The following ENOX1 variants were observed in gnomAD, a reference collection of about 807,000 sequenced individuals.
ENOX1 encodes the protein ecto-NOX disulfide-thiol exchanger 1.
A neutral mutation model predicts 82.5 loss-of-function variants in ENOX1; 42 were observed. The observed-to-expected ratio is 0.51, with a 90% CI of 0.40 to 0.66. ENOX1 has a LOEUF of 0.66. ENOX1 is among the 30% of genes least tolerant of loss of function. The probability of loss-of-function intolerance (pLI) is 0.00; values close to 1 mark genes in which losing one functional copy is unlikely to be tolerated. For missense variants in ENOX1, 608 were observed against 811.6 expected, an observed-to-expected ratio of 0.75 and a Z score of 3.05; for synonymous variants, 271 against 282.2, an observed-to-expected ratio of 0.96 and a Z score of 0.40.
chr13:43,657,284 A>C (rs2084484701), intron 2 of ENOX1, among the ~76,000 whole-genome samples: 1 of 152,222 alleles, frequency 6.6e-6, no homozygotes, highest in South Asian at 2.1e-4. Flanking sequence ...CCCAGAGATA[A>C]CTGCTTTCAA....
At chr13:43,349,640 GC>G (rs1359260818) in intron 8 of ENOX1, among the ~76,000 whole-genome samples, 1 of 152,208 alleles carries the variant, frequency 6.6e-6, no homozygotes, top group Non-Finnish European at 1.5e-5. Flanking sequence ...CACAGACTCA[GC>G]CTTTCTCACA....
At chr13:43,247,458 T>C (rs1455164035) in intron 14 of ENOX1, among the ~76,000 whole-genome samples, 2 of 152,134 alleles carry the variant, frequency 1.3e-5, no homozygotes, top group Non-Finnish European at 2.9e-5. Context: ...CAGCCTTCCA[T>C]GGTCAAGGTC....
intron 11 of ENOX1, 129 bp downstream of exon 11, chr13:43,322,255 G>C: frequency 1.6e-6 from 1 of 639,202 alleles, no homozygotes; most frequent in Non-Finnish European, 2.7e-6. Flanking sequence ...AAAAAGCAGA[G>C]TCACTCAAAG....
intron 8 of ENOX1, among the ~76,000 whole-genome samples, chr13:43,347,301 C>A (rs2049452960): frequency 6.6e-6 from 1 of 151,968 alleles, no homozygotes; most frequent in African/African-American, 2.4e-5. Flanking sequence ...AAGTAAGTAG[C>A]CAAGAGATTT....
At chr13:43,334,418 T>C (rs1292743923) in intron 9 of ENOX1, among the ~76,000 whole-genome samples, 2 of 152,200 alleles carry the variant, frequency 1.3e-5, no homozygotes, top group Non-Finnish European at 2.9e-5. Context: ...GACTTTGTAC[T>C]ACACACTGGG....
intron 3 of ENOX1, among the ~76,000 whole-genome samples, chr13:43,440,247 AAC>A (rs1297817487): frequency 1.3e-5 from 2 of 152,188 alleles, no homozygotes; most frequent in Non-Finnish European, 2.9e-5. Flanking sequence ...GATCAATTCT[AAC>A]AGTTAGACAA....
At chr13:43,731,412 TA>T (rs2089336327) in intron 1 of ENOX1, among the ~76,000 whole-genome samples, 1 of 152,192 alleles carries the variant, frequency 6.6e-6, no homozygotes, top group African/African-American at 2.4e-5. Flanking sequence ...ATAATATTTT[TA>T]AAAGTTCCTG....
Position 43,523,529 on chromosome 13 carries a change from C to T in ENOX1, c.-218-39377G>A, listed in dbSNP as rs139262812. Among the ~76,000 whole-genome samples the T allele has an allele frequency of 3.9e-5, 6 of 152,244 alleles. No homozygotes were observed. The East Asian group carries it at 5.8e-4, about 15-fold the overall frequency. On this transcript the variant is annotated intron_variant, in intron 2 of 16. Transcript: ENST00000690772. ...TTACCTGATGAACAAGGACTGTGAA[C>T]GGGATCAATGACTTTTTAACCACCC... is the stretch of plus-strand genomic sequence containing the variant.
intron 12 of ENOX1, among the ~76,000 whole-genome samples, chr13:43,270,139 T>C (rs919498980): frequency 6.6e-6 from 1 of 152,176 alleles, no homozygotes; most frequent in Non-Finnish European, 1.5e-5. Flanking sequence ...TGGCCTACAC[T>C]GCTATTTTTA....
chr13:43,673,225 G>A (rs1190695776), intron 1 of ENOX1, among the ~76,000 whole-genome samples: 2 of 150,842 alleles, frequency 1.3e-5, no homozygotes, highest in Non-Finnish European at 2.9e-5. Flanking sequence ...TTCCAAATTA[G>A]AACTCAAGTT....
chr13:43,659,499 A>AC (rs2153784139), intron 2 of ENOX1, among the ~76,000 whole-genome samples: 1 of 152,064 alleles, frequency 6.6e-6, no homozygotes, highest in African/African-American at 2.4e-5. Flanking sequence ...AAAAAAAAAA[A>AC]AAATTTTCTT....
At chr13:43,656,383 A>C (rs1452807337) in intron 2 of ENOX1, among the ~76,000 whole-genome samples, 1 of 152,190 alleles carries the variant, frequency 6.6e-6, no homozygotes, top group Non-Finnish European at 1.5e-5. Flanking sequence ...AAGACTTTAA[A>C]GATCACCTGC....
chr13:43,607,027 A>G (rs549670407), intron 2 of ENOX1, among the ~76,000 whole-genome samples: 2 of 152,248 alleles, frequency 1.3e-5, no homozygotes, highest in East Asian at 3.9e-4. Context: ...ATATATATCC[A>G]GTATTTGACA....
chr13:43,271,545 A>C (rs993941560), intron 12 of ENOX1, among the ~76,000 whole-genome samples: 6 of 152,106 alleles, frequency 3.9e-5, no homozygotes, highest in African/African-American at 1.4e-4. Flanking sequence ...GGGAAGAACA[A>C]AGAGAGGAAT....
intron 12 of ENOX1, 48 bp downstream of exon 12, chr13:43,298,298 C>T: frequency 6.6e-7 from 1 of 1,521,050 alleles, no homozygotes; most frequent in Non-Finnish European, 8.7e-7. Flanking sequence ...TCATTTAATA[C>T]ACATATCTCT....
chr13:43,453,747 T>C (rs1388800219), intron 3 of ENOX1, among the ~76,000 whole-genome samples: 1 of 152,080 alleles, frequency 6.6e-6, no homozygotes, highest in Non-Finnish European at 1.5e-5. Context: ...GGGACCTTGG[T>C]AAGGGATAAG....
intron 2 of ENOX1, among the ~76,000 whole-genome samples, chr13:43,524,007 TC>T (rs148805309): frequency 0.015 from 2,216 of 152,178 alleles, 64 homozygotes; most frequent in African/African-American, 0.051. Context: ...AGTAATCTGC[TC>T]CCTTTCTTTC....
intron 5 of ENOX1, among the ~76,000 whole-genome samples, chr13:43,390,403 C>A (rs2052701311): frequency 6.6e-6 from 1 of 151,964 alleles, no homozygotes; most frequent in Non-Finnish European, 1.5e-5. Flanking sequence ...AGAATGCCTG[C>A]AAAAATTTAG....
chr13:43,655,375 A>G (rs1346204419), intron 2 of ENOX1, among the ~76,000 whole-genome samples: 1 of 152,070 alleles, frequency 6.6e-6, no homozygotes, highest in Non-Finnish European at 1.5e-5. Flanking sequence ...TGGACTGTTA[A>G]ATATGGAAGT....
Sources: gnomAD v4.1 joint callset for allele counts (sites outside exome capture counted in the v4.1 genomes callset) on GRCh38, gnomAD v4.1.1 for gene constraint, MANE v1.5 for transcripts, NCBI Gene and HGNC (gene_info 2026-07-23, HGNC 2026-07-21) for gene names.